MYO1B: variants seen among roughly 807,000 people sequenced by gnomAD.
MYO1B encodes the protein unconventional myosin-Ib.
Under a neutral mutation model 159.7 loss-of-function variants are expected in MYO1B, and 72 were observed. That is an observed-to-expected ratio of 0.45 (90% CI 0.37 to 0.55). The LOEUF is 0.55. MYO1B is among the 20% of genes least tolerant of loss of function. The pLI is 0.00. For missense variants in MYO1B, 1,062 were observed against 1,364.8 expected (o/e 0.78, Z 3.50); for synonymous variants, 468 against 473.8 (o/e 0.99, Z 0.16).
chr2:191,257,550 G>A lies in MYO1B; in HGVS notation c.-10+11924G>A, dbSNP rs538997754. 2.2e-3 allele frequency among the ~76,000 whole-genome samples: 342 copies of A among 152,266 alleles called. 3 individuals carry two copies. The highest frequency in any genetic ancestry group is 3.6e-3 in the Non-Finnish European group (248 of 68,020). ...GATTTTAATCACTGAAAAGTTCAGC[G>A]AACTTTCCAGCTTTTCTTTCATGCT... On this transcript the variant is annotated intron_variant, in intron 1 of 30. Coordinates refer to ENST00000392318, the MANE Select transcript of MYO1B (RefSeq NM_001130158.3).
intron 3 of MYO1B, among the ~76,000 whole-genome samples, chr2:191,301,197 A>G (rs529152740): frequency 6.6e-6 from 1 of 152,322 alleles, no homozygotes; most frequent in Admixed American, 6.5e-5. Flanking sequence ...TAGGTAAGTG[A>G]TGTCTTTCCA....
chr2:191,376,445 A>G (rs192035841), intron 13 of MYO1B, among the ~76,000 whole-genome samples: 10 of 152,334 alleles, frequency 6.6e-5, no homozygotes, highest in African/African-American at 2.2e-4. Context: ...TTAACACCAA[A>G]TAAATCTTTG....
chr2:191,415,726 A>G (rs1002354340), intron 29 of MYO1B, among the ~76,000 whole-genome samples: 9 of 152,066 alleles, frequency 5.9e-5, no homozygotes, highest in Admixed American at 2.0e-4. Flanking sequence ...AAAGTTTTTT[A>G]ATCAAGTCCT....
intron 13 of MYO1B, chr2:191,371,038 T>C (rs1694331229): frequency 6.6e-6 from 1 of 152,246 alleles, no homozygotes; most frequent in African/African-American, 2.4e-5. Context: ...ATTATCTACT[T>C]ATGTTAGAAT....
intron 5 of MYO1B, among the ~76,000 whole-genome samples, chr2:191,342,888 C>CA (rs1429965125): frequency 6.7e-6 from 1 of 150,170 alleles, no homozygotes; most frequent in South Asian, 2.1e-4. Context: ...TTGTAAGCGA[C>CA]AGAGGGAGAC....
At chr2:191,249,203 G>A (rs1429558005) in intron 1 of MYO1B, among the ~76,000 whole-genome samples, 6 of 152,086 alleles carry the variant, frequency 3.9e-5, no homozygotes, top group African/African-American at 1.2e-4. Context: ...ACTGAGACCC[G>A]ATGCCAGAGT....
chr2:191,245,913 T>A (rs534592134), intron 1 of MYO1B: 4 of 152,398 alleles, frequency 2.6e-5, no homozygotes, highest in Admixed American at 1.3e-4. Flanking sequence ...CCCATGCCTC[T>A]CGTACCTGTG....
chr2:191,319,281 G>T (rs889075609), intron 3 of MYO1B, among the ~76,000 whole-genome samples: 2 of 152,120 alleles, frequency 1.3e-5, no homozygotes, highest in African/African-American at 4.8e-5. Context: ...GGGTAAGGGA[G>T]GGAATGGGAG....
chr2:191,331,979 T>G (rs1157051025), intron 4 of MYO1B, among the ~76,000 whole-genome samples: 2 of 152,256 alleles, frequency 1.3e-5, no homozygotes, highest in East Asian at 3.8e-4. Flanking sequence ...TTTTTCTTTT[T>G]GAGACAGAGT....
chr2:191,369,229 AC>A (rs1045388355), intron 11 of MYO1B, among the ~76,000 whole-genome samples: 1 of 151,772 alleles, frequency 6.6e-6, no homozygotes, highest in South Asian at 2.1e-4. Context: ...TTCTCTTACT[AC>A]CCCCTATTGT....
intron 30 of MYO1B, among the ~76,000 whole-genome samples, chr2:191,417,889 G>A (rs974956183): frequency 6.6e-6 from 1 of 152,182 alleles, no homozygotes; most frequent in Non-Finnish European, 1.5e-5. Context: ...CTCACAGCTT[G>A]TGTTCGAAGG....
At chr2:191,366,217 T>C (rs1694001806) in intron 11 of MYO1B, among the ~76,000 whole-genome samples, 1 of 152,218 alleles carries the variant, frequency 6.6e-6, no homozygotes, top group Non-Finnish European at 1.5e-5. Flanking sequence ...TGTTTTACTC[T>C]TGCTTTTTTA....
chr2:191,424,084 T>A lies in MYO1B; in HGVS notation c.*124T>A. 8.8e-7 allele frequency: 1 copy of A among 1,141,656 alleles called. No individual in the cohort carries two copies. Among genetic ancestry groups the A allele is most frequent in the Non-Finnish European group, 1.2e-6 (1 of 806,810 alleles). The allele number at this position is 1,141,656 out of a possible 1,614,324, so 70.7% of individuals were successfully genotyped here. ...AGGCTTTTAGAGTTCTTTGGCAAAA[T>A]AAAAATATTTGACTAATCAATTTTT... On this transcript the variant is annotated 3_prime_UTR_variant, in exon 31 of 31. Coordinates refer to ENST00000392318, the MANE Select transcript of MYO1B (RefSeq NM_001130158.3).
chr2:191,272,222 C>G (rs2125723618), intron 1 of MYO1B, among the ~76,000 whole-genome samples: 1 of 152,336 alleles, frequency 6.6e-6, no homozygotes, highest in South Asian at 2.1e-4. Context: ...CTGAAAAGAA[C>G]TGGCACAGCC....
chr2:191,400,724 T>G (rs1421706082), intron 22 of MYO1B, 25 bp from the exon 23 acceptor site: 1 of 1,612,130 alleles, frequency 6.2e-7, no homozygotes. Context: ...AACTTTTCTG[T>G]AACTCCTTTT....
chr2:191,317,975 A>G (rs1315692923), intron 3 of MYO1B, among the ~76,000 whole-genome samples: 1 of 152,212 alleles, frequency 6.6e-6, no homozygotes. Flanking sequence ...TTTTGCATGA[A>G]TATGAGAAAA....
At chr2:191,404,241 G>C (rs1035119485) in intron 24 of MYO1B, among the ~76,000 whole-genome samples, 1 of 152,062 alleles carries the variant, frequency 6.6e-6, no homozygotes, top group Non-Finnish European at 1.5e-5. Context: ...AGTTCCCCAG[G>C]GGGCACCATC....
intron 7 of MYO1B, among the ~76,000 whole-genome samples, chr2:191,358,409 T>C (rs1303640948): frequency 6.6e-6 from 1 of 152,220 alleles, no homozygotes; most frequent in Admixed American, 6.5e-5. Flanking sequence ...TCACTGATCA[T>C]ATCAGTGTGT....
At chr2:191,294,812 C>A in intron 2 of MYO1B, among the ~76,000 whole-genome samples, 1 of 151,294 alleles carries the variant, frequency 6.6e-6, no homozygotes, top group Admixed American at 6.6e-5. Flanking sequence ...ATATATATAA[C>A]CTGTTCAGTT....
Sources: allele counts gnomAD v4.1 joint callset (sites outside exome capture counted in the v4.1 genomes callset), GRCh38; gene constraint gnomAD v4.1.1; transcripts MANE v1.5; gene names NCBI Gene and HGNC (gene_info 2026-07-23, HGNC 2026-07-21).